OGFOD3: variants seen among roughly 807,000 people sequenced by gnomAD.
OGFOD3 encodes 2-oxoglutarate and iron-dependent oxygenase domain-containing protein 3.
A neutral mutation model predicts 39.8 loss-of-function variants in OGFOD3; 35 were observed. The observed-to-expected ratio is 0.88, with a 90% CI of 0.67 to 1.17. The LOEUF (loss-of-function observed/expected upper bound fraction) is 1.17, where lower values mean the gene tolerates loss of function less well. OGFOD3 is among the 50% of genes most tolerant of loss of function. OGFOD3 has a pLI of 0.00. For missense variants in OGFOD3, 438 were observed against 454.5 expected (o/e 0.96, Z 0.33); for synonymous variants, 200 against 192.0 (o/e 1.04, Z -0.34).
At chr17:82,399,002 G>A (rs2052722279) in intron 7 of OGFOD3, among the ~76,000 whole-genome samples, 1 of 138,740 alleles carries the variant, frequency 7.2e-6, no homozygotes, top group East Asian at 2.0e-4. Flanking sequence ...TAGAGGTTGG[G>A]GCGGGGTGGT....
In OGFOD3 at chr17:82,415,573, C is replaced by A; in HGVS notation, c.129G>T (p.Trp43Cys). Residue 43 changes from tryptophan to cysteine, a missense_variant, in exon 2 of 9, where the codon TGG (tryptophan) becomes TGT (cysteine). Physicochemically the swap from Trp to Cys is radical, Grantham distance 215 (BLOSUM62 -2). Coordinates refer to ENST00000313056, the MANE Select transcript of OGFOD3 (RefSeq NM_024648.3). This position sits in a 1 kb window ranked among gnomAD's most constrained non-coding sequence, Gnocchi z 5.3. ...CAGCCCCCAGGCCCGCGGTCCTTAGCCACGGCCTCTGCCACAGCCTCTGCA... is the reference window on the plus strand; with the variant it reads ...CAGCCCCCAGGCCCGCGGTCCTTAGACACGGCCTCTGCCACAGCCTCTGCA... Reference protein sequence around the residue: ...REVQRLWQRPWLRTAGLGAGF... With the variant: ...REVQRLWQRPCLRTAGLGAGF... The A allele has an allele frequency of 6.2e-7, 1 of 1,613,470 alleles. No individual in the cohort carries two copies. The highest frequency in any genetic ancestry group is 8.5e-7 in the Non-Finnish European group (1 of 1,179,926).
At chr17:82,416,092 C>G (rs927411885) in intron 1 of OGFOD3, among the ~76,000 whole-genome samples, 1 of 151,574 alleles carries the variant, frequency 6.6e-6, no homozygotes, top group Admixed American at 6.6e-5. Flanking sequence ...AAAAATTAAC[C>G]GGGTGTGGTG....
At chr17:82,416,339 G>C (rs887043465) in intron 1 of OGFOD3, among the ~76,000 whole-genome samples, 1 of 152,238 alleles carries the variant, frequency 6.6e-6, no homozygotes, top group East Asian at 1.9e-4. Context: ...AAATGGGACA[G>C]GATGGGGTGC....
At chr17:82,409,083 C>T (rs2052902191) in intron 4 of OGFOD3, among the ~76,000 whole-genome samples, 2 of 152,220 alleles carry the variant, frequency 1.3e-5, no homozygotes, top group South Asian at 2.1e-4. Flanking sequence ...TCCCTGCTTC[C>T]GACCCCCTCT....
intron 8 of OGFOD3, chr17:82,393,425 G>C (rs752537843): frequency 2.6e-5 from 4 of 152,268 alleles, no homozygotes; most frequent in Non-Finnish European, 5.9e-5. Flanking sequence ...AGCTTCAAGA[G>C]GGAGTCAGTT....
At chr17:82,403,740 G>A (rs1036770784) in intron 7 of OGFOD3, among the ~76,000 whole-genome samples, 197 bp downstream of exon 7, 7 of 151,660 alleles carry the variant, frequency 4.6e-5, no homozygotes, top group Admixed American at 1.3e-4. Context: ...GACCACATGC[G>A]CGCTCACCCT....
rs2052805999 is a variant in OGFOD3, at chr17:82,403,834, T to G, written c.699+103A>C. ...ACCCTGCCCACGGGCACGCTCACCT[T>G]GTCCACGAGCGCGCTCACCCTGCCC... On this transcript the variant is annotated intron_variant, in intron 7 of 8. Coordinates refer to ENST00000313056, the MANE Select transcript of OGFOD3 (RefSeq NM_024648.3). 3 of 1,465,238 alleles carry G rather than the reference T, an allele frequency of 2.0e-6. No homozygotes were observed. In the East Asian group the frequency reaches 7.4e-5, roughly 36 times the overall value. 90.8% of individuals were successfully genotyped at this position (1,465,238 alleles called of 1,614,324 possible).
chr17:82,394,211 C>G lies in OGFOD3; in HGVS notation c.824-1677G>C, dbSNP rs142564113. 557 of 671,132 alleles carry G rather than the reference C, an allele frequency of 8.3e-4. 2 individuals carry two copies. The African/African-American group carries it at 9.1e-3, about 11-fold the overall frequency. 41.6% of individuals were successfully genotyped at this position (671,132 alleles called of 1,614,324 possible). The stretch of plus-strand genomic sequence containing the variant: ...TTCACCGTGTTAGCCAGGATGGTCT[C>G]GATCTCCTGACCTCATGACCCGCCC... On this transcript the variant is annotated intron_variant, in intron 8 of 8. Transcript: ENST00000313056.
Position 82,392,833 on chromosome 17 carries a change from C to G in OGFOD3, c.824-299G>C. 1 of 395,010 alleles carries G rather than the reference C, an allele frequency of 2.5e-6. No individual in the cohort carries two copies. The highest frequency in any genetic ancestry group is 4.6e-6 in the Non-Finnish European group (1 of 219,670). 24.5% of individuals were successfully genotyped at this position (395,010 alleles called of 1,614,324 possible). On this transcript the variant is annotated intron_variant, in intron 8 of 8. Transcript: ENST00000313056. This position sits in a 1 kb window ranked among gnomAD's most constrained non-coding sequence, Gnocchi z 4.2. ...AGGCCACCACTGGCTCCAGACACCC[C>G]AGGTCATCTGATCTCCCGAGCTCCG...
At chr17:82,394,285 C>T (rs764446275) in intron 8 of OGFOD3, 107 of 1,469,642 alleles carry the variant, frequency 7.3e-5, no homozygotes, top group Non-Finnish European at 8.8e-5. Flanking sequence ...CCACCACGCC[C>T]GGCCTAAGAT....
chr17:82,399,628 G>A (rs139561511), intron 7 of OGFOD3, among the ~76,000 whole-genome samples: 83 of 152,166 alleles, frequency 5.5e-4, no homozygotes, highest in African/African-American at 1.7e-3. Context: ...GACTCCCCAC[G>A]CCCCCCAGTC....
In OGFOD3 at chr17:82,398,178, C is replaced by T. The variant is rs375011205; in HGVS notation, c.823+18G>A. On this transcript the variant is annotated intron_variant, in intron 8 of 8. Transcript: ENST00000313056. ...TGAGCCAGGAGCCCCACGCCCAGGC[C>T]CCGCCCGCGCCTCCTACCAGCTCTC... 8.1e-6 allele frequency: 13 copies of T among 1,613,798 alleles called. No individual in the cohort carries two copies. Among genetic ancestry groups the T allele is most frequent in the Non-Finnish European group, 1.1e-5 (13 of 1,179,854 alleles).
rs552129366 is a variant in OGFOD3 at position 82,411,436 on chromosome 17, C to T, written c.380+19G>A. On this transcript the variant is annotated intron_variant, in intron 3 of 8. Transcript: ENST00000313056. ...GTGTGTTTGTTTGAATCCCACCGTG[C>T]TCAGGGACAGGCGGTTACCTGCGAA... 3 of 1,612,124 alleles carry T rather than the reference C, an allele frequency of 1.9e-6. No individual in the cohort carries two copies. Among genetic ancestry groups the T allele is most frequent in the Admixed American group, 3.3e-5 (2 of 59,994 alleles).
At chr17:82,405,540 C>T (rs1318777975) in intron 5 of OGFOD3, among the ~76,000 whole-genome samples, 160 bp from the exon 6 acceptor site, 1 of 152,250 alleles carries the variant, frequency 6.6e-6, no homozygotes, top group Non-Finnish European at 1.5e-5. Flanking sequence ...CCGGGCCGGG[C>T]GCAGTGGCTC....
intron 7 of OGFOD3, among the ~76,000 whole-genome samples, chr17:82,399,381 A>T (rs963016079): frequency 2.1e-4 from 32 of 152,196 alleles, no homozygotes; most frequent in Non-Finnish European, 3.7e-4. Flanking sequence ...CACACGTGGG[A>T]ACCAGAGGCA....
rs2052941367 is a variant in OGFOD3, at chr17:82,411,460, A to G, written c.375T>C (p.Ile125=). The change falls in exon 3 of 9, where the codon ATT becomes ATC. Residue 125 remains isoleucine (I), a synonymous_variant. Coordinates refer to ENST00000313056, the MANE Select transcript of OGFOD3 (RefSeq NM_024648.3). ...VVITREEAER[I]RSVAEKGLSL... Reference sequence around the variant, plus strand: ...GCTCAGGGACAGGCGGTTACCTGCGAATCCGCTCCGCTTCCTCCCTGGTGA... The same window carrying G: ...GCTCAGGGACAGGCGGTTACCTGCGGATCCGCTCCGCTTCCTCCCTGGTGA... The G allele has an allele frequency of 3.1e-6, 5 of 1,614,092 alleles. No individual in the cohort carries two copies. The East Asian group carries it at 8.9e-5, about 29-fold the overall frequency.
At chr17:82,398,503 A>G (rs376305848) in intron 7 of OGFOD3, among the ~76,000 whole-genome samples, 184 bp from the exon 8 acceptor site, 3 of 152,196 alleles carry the variant, frequency 2.0e-5, no homozygotes, top group South Asian at 2.1e-4. Flanking sequence ...AGGTTCAAGC[A>G]ATTCTCCTGC....
intron 8 of OGFOD3, chr17:82,394,053 G>T (rs1303436036): frequency 1.2e-5 from 2 of 165,652 alleles, no homozygotes; most frequent in Non-Finnish European, 2.5e-5. Flanking sequence ...GCAGCGGCAT[G>T]ATCTTGGCTC....
rs1414060787 is a variant in OGFOD3 at position 82,418,394 on chromosome 17, T to A, written c.74+18A>T. 14 of 1,459,630 alleles carry A rather than the reference T, an allele frequency of 9.6e-6. No individual in the cohort carries two copies. Among genetic ancestry groups the A allele is most frequent in the Non-Finnish European group, 1.2e-5 (13 of 1,107,092 alleles). The allele number at this position is 1,459,630 out of a possible 1,614,324, so 90.4% of individuals were successfully genotyped here. A position where few individuals can be genotyped will look rare whatever the true frequency, so the allele number is the denominator to read the frequency against. ...TGTCCGCCGCCGCAGCGCGCGCCCT[T>A]CCCCTCCTCACCGCTACCTGCTCCG... On this transcript the variant is annotated intron_variant, in intron 1 of 8. Transcript: ENST00000313056.
Sources: gnomAD v4.1 joint callset for allele counts (sites outside exome capture counted in the v4.1 genomes callset) on GRCh38, gnomAD v4.1.1 for gene constraint, Gnocchi (gnomAD v3.1) non-coding constraint, MANE v1.5 for transcripts, NCBI Gene and HGNC (gene_info 2026-07-23, HGNC 2026-07-21) for gene names.